The following TFRC variants were observed in gnomAD, a reference collection of about 807,000 sequenced individuals.
TFRC encodes transferrin receptor protein 1.
TFRC carries 35 observed loss-of-function variants against 85.8 expected under a neutral mutation model. That is an observed-to-expected ratio of 0.41 (90% confidence interval 0.31 to 0.54). TFRC has a LOEUF of 0.54. Ranked by LOEUF, TFRC falls within the 20% of genes least tolerant of loss-of-function variation. The pLI is 0.31. For synonymous variants in TFRC, 362 were observed against 328.6 expected, an observed-to-expected ratio of 1.10 and a Z score of -1.10; for missense variants, 828 against 921.5, an observed-to-expected ratio of 0.90 and a Z score of 1.31.
At chr3:196,070,774 AAATAATAAT>A (rs58386151) in intron 6 of TFRC, among the ~76,000 whole-genome samples, 58 of 135,810 alleles carry the variant, frequency 4.3e-4, no homozygotes, top group African/African-American at 1.2e-3. Context: ...TGTCTCTACC[AAATAATAAT>A]AATAATAATA....
rs560101628 is a variant in TFRC, at chr3:196,049,993, G to C, written c.*1949C>G. On this transcript the variant is annotated 3_prime_UTR_variant, in exon 19 of 19. Coordinates refer to ENST00000360110, the MANE Select transcript of TFRC (RefSeq NM_001128148.3). ...AATGATGGTTCACTCACGGAGCTTC[G>C]AACTTATTCATACCTACATTTAATT... The C allele has an allele frequency of 6.9e-5, 16 of 230,874 alleles. No individual in the cohort carries two copies. The highest frequency in any genetic ancestry group is 3.1e-4 in the East Asian group (5 of 16,304). The allele number at this position is 230,874 out of a possible 1,614,324, so 14.3% of individuals were successfully genotyped here. A position where few individuals can be genotyped will look rare whatever the true frequency, so the allele number is the denominator to read the frequency against.
intron 9 of TFRC, among the ~76,000 whole-genome samples, chr3:196,066,706 C>T (rs926838741): frequency 1.3e-5 from 2 of 152,170 alleles, no homozygotes; most frequent in East Asian, 3.8e-4. Flanking sequence ...ACACACTCCC[C>T]TATGCTAAAG....
In TFRC at chr3:196,062,906, G is replaced by A; in HGVS notation, c.1352C>T (p.Ala451Val). ...GFQPSRSIIFASWSAGDFGSV... is the reference protein window; with the variant it reads ...GFQPSRSIIFVSWSAGDFGSV... ...TCCAAAGTCTCCAGCACTCCAACTG[G>A]CAAAGATAATGCTTCTGCTGGGCTG... The change falls in exon 12 of 19, where the codon GCC (alanine) becomes GTC (valine). Residue 451 changes from alanine to valine, a missense_variant. Physicochemically the swap from Ala to Val is moderately conservative, Grantham distance 64 (BLOSUM62 0). Transcript: ENST00000360110. The A allele has an allele frequency of 6.2e-7, 1 of 1,614,076 alleles. No individual in the cohort carries two copies. The highest frequency in any genetic ancestry group is 1.1e-5 in the South Asian group (1 of 91,074).
intron 16 of TFRC, among the ~76,000 whole-genome samples, chr3:196,057,797 AACAAAAC>A (rs1716935728): frequency 1.4e-5 from 2 of 147,104 alleles, no homozygotes. Flanking sequence ...AAAAAAAAAA[AACAAAAC>A]AAAAAACAAA....
At chr3:196,056,649 G>A (rs1192305012) in intron 16 of TFRC, among the ~76,000 whole-genome samples, 1 of 151,990 alleles carries the variant, frequency 6.6e-6, no homozygotes, top group Middle Eastern at 3.2e-3. Context: ...TGATCTACCC[G>A]CCTTGGCCTC....
At chr3:196,070,795 T>TAATAATAATAATA (rs1718129263) in intron 6 of TFRC, among the ~76,000 whole-genome samples, 1 of 146,748 alleles carries the variant, frequency 6.8e-6, no homozygotes. Context: ...ATAATAATAA[T>TAATAATAATAATA]AATAATAATA....
Position 196,058,354 on chromosome 3 carries a change from G to T in TFRC, c.1607C>A (p.Thr536Asn). ...SNWASKVEKL[T>N]LDNAAFPFLA... ...GAAAGGGAAAGCAGCATTGTCTAAA[G>T]TGAGTTTCTCACTGCAAAGACAAAG... Residue 536 changes from threonine to asparagine, a missense_variant, in exon 16 of 19, where the codon ACT becomes AAT. Transcript: ENST00000360110. The T allele has an allele frequency of 6.2e-7, 1 of 1,613,862 alleles. No homozygotes were observed. The highest frequency in any genetic ancestry group is 2.2e-5 in the East Asian group (1 of 44,864).
At chr3:196,064,035 C>T (rs1717506407) in intron 11 of TFRC, among the ~76,000 whole-genome samples, 1 of 152,178 alleles carries the variant, frequency 6.6e-6, no homozygotes, top group Admixed American at 6.5e-5. Flanking sequence ...CTATGATCCA[C>T]CTTATCACTC....
chr3:196,071,374 T>A, intron 6 of TFRC, 22 bp downstream of exon 6: 1 of 1,579,180 alleles, frequency 6.3e-7, no homozygotes, highest in Non-Finnish European at 8.7e-7. Flanking sequence ...AAGAGTCTCA[T>A]GCACTGTTTT....
At chr3:196,052,974 C>T (rs1036858705) in intron 18 of TFRC, among the ~76,000 whole-genome samples, 28 of 151,840 alleles carry the variant, frequency 1.8e-4, no homozygotes, top group Non-Finnish European at 3.8e-4. Flanking sequence ...ATGAGCCGGG[C>T]GTGGTGTTGG....
intron 17 of TFRC, among the ~76,000 whole-genome samples, chr3:196,054,495 A>G (rs1716610804): frequency 6.6e-6 from 1 of 152,212 alleles, no homozygotes; most frequent in South Asian, 2.1e-4. Flanking sequence ...TCTGTTAAAA[A>G]TCAACTCCTA....
At chr3:196,076,350 C>T (rs1259431051) in intron 2 of TFRC, among the ~76,000 whole-genome samples, 1 of 151,878 alleles carries the variant, frequency 6.6e-6, no homozygotes, top group Non-Finnish European at 1.5e-5. Flanking sequence ...GCTATGTTGC[C>T]CAGGCAAGTC....
At chr3:196,057,714 G>A (rs1190549209) in intron 16 of TFRC, among the ~76,000 whole-genome samples, 2 of 150,460 alleles carry the variant, frequency 1.3e-5, no homozygotes, top group South Asian at 2.1e-4. Flanking sequence ...AGGACTGCTT[G>A]AGGCTGCAGT....
intron 18 of TFRC, 133 bp downstream of exon 18, chr3:196,053,285 G>T: frequency 1.0e-6 from 1 of 974,640 alleles, no homozygotes; most frequent in Non-Finnish European, 1.5e-6. Flanking sequence ...AACAGAAAAT[G>T]ACAGCTAAAC....
At chr3:196,068,941 A>AG (rs1418182787) in intron 7 of TFRC, among the ~76,000 whole-genome samples, 3 of 151,596 alleles carry the variant, frequency 2.0e-5, no homozygotes, top group South Asian at 2.1e-4. Context: ...AAAAAAAAAA[A>AG]AAAAGAAAAG....
intron 1 of TFRC, among the ~76,000 whole-genome samples, chr3:196,081,237 A>G (rs1056388672): frequency 7.9e-5 from 12 of 152,358 alleles, no homozygotes; most frequent in Admixed American, 7.2e-4. Flanking sequence ...TCTTGTAGTG[A>G]GAACTGCTAG....
intron 2 of TFRC, 33 bp downstream of exon 2, chr3:196,077,031 G>T: frequency 1.9e-6 from 3 of 1,601,180 alleles, no homozygotes; most frequent in Non-Finnish European, 2.6e-6. Context: ...TCACATTCTT[G>T]CAGACACAGA....
intron 16 of TFRC, 137 bp from the exon 17 acceptor site, chr3:196,055,438 A>G: frequency 1.5e-6 from 1 of 677,490 alleles, no homozygotes; most frequent in South Asian, 1.8e-5. Context: ...ATTTACCCCA[A>G]TTCTATCTCA....
Position 196,068,053 on chromosome 3 carries a change from T to C in TFRC, c.879A>G (p.Ala293=), listed in dbSNP as rs1273778971. The change falls in exon 8 of 19, where the codon GCA becomes GCG. Residue 293 remains alanine (A), a synonymous_variant. Transcript: ENST00000360110. ...MDQTKFPIVN[A]ELSFFGHAHL... is the part of the protein sequence containing the mutation. Reference sequence around the variant, plus strand: ...TCACATGTCCAAAGAATGAAAGTTCTGCGTTAACAATGGGAAATTTAGTCT... The same window carrying C: ...TCACATGTCCAAAGAATGAAAGTTCCGCGTTAACAATGGGAAATTTAGTCT... The C allele has an allele frequency of 6.2e-7, 1 of 1,613,222 alleles. No homozygotes were observed. The highest frequency in any genetic ancestry group is 2.2e-5 in the East Asian group (1 of 44,850).
Sources: gnomAD v4.1 joint callset for allele counts (sites outside exome capture counted in the v4.1 genomes callset) on GRCh38, gnomAD v4.1.1 for gene constraint, MANE v1.5 for transcripts, NCBI Gene and HGNC (gene_info 2026-07-23, HGNC 2026-07-21) for gene names.